The following STXBP6 variants were observed in gnomAD, a reference collection of about 807,000 sequenced individuals.
The protein encoded by STXBP6 is syntaxin binding protein 6.
Under a neutral mutation model 26.9 loss-of-function variants are expected in STXBP6, and 21 were observed. The observed-to-expected ratio is 0.78, with a 90% CI of 0.55 to 1.12. The LOEUF is 1.12. Among genes scored for constraint, STXBP6 ranks in the 50% most tolerant of loss-of-function variants. The probability of loss-of-function intolerance (pLI) is 0.00; values close to 1 mark genes in which losing one functional copy is unlikely to be tolerated. For synonymous variants in STXBP6, 97 were observed against 92.6 expected (o/e 1.05, Z -0.27); for missense variants, 232 against 257.9 (o/e 0.90, Z 0.69).
chr14:24,967,634 T>C (rs996987925), intron 2 of STXBP6, among the ~76,000 whole-genome samples: 1 of 152,242 alleles, frequency 6.6e-6, no homozygotes, highest in Non-Finnish European at 1.5e-5. Flanking sequence ...TGTTTTTTTA[T>C]TGCCTTGTCT....
At chr14:24,946,371 A>G (rs1307808098) in intron 2 of STXBP6, among the ~76,000 whole-genome samples, 2 of 152,202 alleles carry the variant, frequency 1.3e-5, no homozygotes, top group African/African-American at 4.8e-5. Flanking sequence ...AAGAGTGTCC[A>G]AATTTAAGAA....
At chr14:25,031,388 T>C (rs2075451532) in intron 1 of STXBP6, among the ~76,000 whole-genome samples, 1 of 152,196 alleles carries the variant, frequency 6.6e-6, no homozygotes, top group African/African-American at 2.4e-5. Context: ...TTTTCTCACC[T>C]GTAAAACAGA....
intron 2 of STXBP6, 58 bp downstream of exon 2, chr14:24,974,607 A>T: frequency 3.4e-6 from 5 of 1,453,318 alleles, no homozygotes; most frequent in Non-Finnish European, 4.6e-6. Flanking sequence ...GATACCTCAG[A>T]ATGAACTGTT....
chr14:25,028,901 A>G lies in STXBP6; in HGVS notation c.-33+20977T>C, dbSNP rs188130883. On this transcript the variant is annotated intron_variant, in intron 1 of 5. Transcript: ENST00000323944. ...GAAGGGTTCAAGACTTCAGTAGAGA[A>G]AGCAACTGCAGATGTGGTGGAAATG... is the stretch of plus-strand genomic sequence containing the variant. 1.3e-4 allele frequency among the ~76,000 whole-genome samples: 20 copies of G among 152,284 alleles called. No individual in the cohort carries two copies. The East Asian group carries it at 3.3e-3, about 25-fold the overall frequency.
In STXBP6 at chr14:25,036,321, G is replaced by A. The variant is rs2075551711; in HGVS notation, c.-33+13557C>T. ...GTGTCAGTGGAAGAGGGCTAGTGTG[G>A]TGGGGTCCATGATCCCAAAAGGGTG... On this transcript the variant is annotated intron_variant, in intron 1 of 5. Coordinates refer to ENST00000323944, the MANE Select transcript of STXBP6 (RefSeq NM_001394410.1). Among the ~76,000 whole-genome samples, 2 of 152,034 alleles carry A rather than the reference G, an allele frequency of 1.3e-5. 1 individual carries two copies. The highest frequency in any genetic ancestry group is 4.1e-4 in the South Asian group (2 of 4,820).
chr14:24,979,076 A>C (rs2074120636), intron 1 of STXBP6, among the ~76,000 whole-genome samples: 1 of 152,194 alleles, frequency 6.6e-6, no homozygotes, highest in Non-Finnish European at 1.5e-5. Flanking sequence ...ACAGCCCTTA[A>C]ATATTTTTCA....
intron 2 of STXBP6, among the ~76,000 whole-genome samples, chr14:24,951,008 T>C (rs2073151081): frequency 6.6e-6 from 1 of 152,278 alleles, no homozygotes; most frequent in East Asian, 1.9e-4. Context: ...TCTGTTCTTG[T>C]GTTAGCTTGC....
At chr14:24,859,975 TG>T (rs1352117268) in intron 2 of STXBP6, among the ~76,000 whole-genome samples, 1 of 152,216 alleles carries the variant, frequency 6.6e-6, no homozygotes, top group African/African-American at 2.4e-5. Context: ...ATGGTTTTCA[TG>T]GCTTCATGCC....
In STXBP6 at chr14:24,966,626, T is replaced by G. The variant is rs551730005; in HGVS notation, c.154+8039A>C. ...TTTGAACTTTCCTAATAGCAAGGTTTTAGGAAAGACAAATGTTATTATCAC... is the reference window on the plus strand; with the variant it reads ...TTTGAACTTTCCTAATAGCAAGGTTGTAGGAAAGACAAATGTTATTATCAC... On this transcript the variant is annotated intron_variant, in intron 2 of 5. Coordinates refer to ENST00000323944, the MANE Select transcript of STXBP6 (RefSeq NM_001394410.1). Among the ~76,000 whole-genome samples the G allele has an allele frequency of 3.9e-5, 6 of 152,342 alleles. No homozygotes were observed. In the East Asian group the frequency reaches 1.2e-3, roughly 29 times the overall value.
intron 2 of STXBP6, among the ~76,000 whole-genome samples, chr14:24,958,771 A>G (rs1566510509): frequency 6.6e-6 from 1 of 152,178 alleles, no homozygotes; most frequent in Non-Finnish European, 1.5e-5. Flanking sequence ...GAATGCAAAA[A>G]CCAACAGAAG....
intron 2 of STXBP6, among the ~76,000 whole-genome samples, chr14:24,896,965 A>G (rs897079291): frequency 9.8e-5 from 15 of 152,306 alleles, no homozygotes; most frequent in East Asian, 3.9e-4. Context: ...TGGGTGAGAC[A>G]TAAGACTAAA....
chr14:25,002,357 G>A (rs1443790459), intron 1 of STXBP6, among the ~76,000 whole-genome samples: 6 of 112,530 alleles, frequency 5.3e-5, no homozygotes, highest in Non-Finnish European at 9.0e-5. Flanking sequence ...AAATTCTTAT[G>A]ACTTTTTTTT....
chr14:25,025,529 CA>C (rs564730861), intron 1 of STXBP6, among the ~76,000 whole-genome samples: 100 of 152,280 alleles, frequency 6.6e-4, no homozygotes, highest in Middle Eastern at 3.4e-3. Context: ...AATGTTTTAA[CA>C]TCATGTCCAA....
chr14:25,039,952 G>A lies in STXBP6; in HGVS notation c.-33+9926C>T, dbSNP rs1422127769. On this transcript the variant is annotated intron_variant, in intron 1 of 5. Coordinates refer to ENST00000323944, the MANE Select transcript of STXBP6 (RefSeq NM_001394410.1). The stretch of plus-strand genomic sequence containing the variant: ...TTGAACAATTGCCCTCAAGTGATCC[G>A]CCTGCCTCGGCCTCCCAAAGTGCTA... 3.9e-5 allele frequency among the ~76,000 whole-genome samples: 6 copies of A among 152,058 alleles called. No individual in the cohort carries two copies. The East Asian group carries it at 9.7e-4, about 25-fold the overall frequency.
rs768793147 is a variant in STXBP6 at position 24,963,970 on chromosome 14, TAA to T, written c.154+10693_154+10694del. Among the ~76,000 whole-genome samples, 332 of 64,712 alleles carry T rather than the reference TAA, an allele frequency of 5.1e-3. 1 individual carries two copies. The highest frequency in any genetic ancestry group is 0.018 in the African/African-American group (297 of 16,940). 42.5% of individuals were successfully genotyped at this position (64,712 alleles called of 152,430 possible). On this transcript the variant is annotated intron_variant, in intron 2 of 5. Transcript: ENST00000323944. ...GTGTGTGTGAATAACAGCAAGTTTCTAAAAAAAAAAAAAAAAAAAAAAAAGCC... is the reference window on the plus strand; with the variant it reads ...GTGTGTGTGAATAACAGCAAGTTTCTAAAAAAAAAAAAAAAAAAAAAAGCC...
chr14:24,943,189 G>A (rs1382466678), intron 2 of STXBP6, among the ~76,000 whole-genome samples: 1 of 152,180 alleles, frequency 6.6e-6, no homozygotes, highest in African/African-American at 2.4e-5. Context: ...AACTACAGTG[G>A]CCAATGAAAC....
At chr14:24,884,094 G>C (rs571199419) in intron 2 of STXBP6, among the ~76,000 whole-genome samples, 1 of 151,796 alleles carries the variant, frequency 6.6e-6, no homozygotes, top group African/African-American at 2.4e-5. Context: ...AAAAAAAGGT[G>C]GGGGGGCACA....
chr14:25,015,798 A>AG (rs1364355981), intron 1 of STXBP6, among the ~76,000 whole-genome samples: 1 of 141,376 alleles, frequency 7.1e-6, no homozygotes, highest in African/African-American at 2.9e-5. Context: ...AACAACAACA[A>AG]GGAAAAAAAA....
intron 2 of STXBP6, among the ~76,000 whole-genome samples, chr14:24,946,253 C>T (rs922370608): frequency 9.2e-5 from 14 of 152,160 alleles, no homozygotes; most frequent in African/African-American, 3.4e-4. Flanking sequence ...CAGAACTACC[C>T]TACAAAGTAA....
Sources: allele counts gnomAD v4.1 joint callset (sites outside exome capture counted in the v4.1 genomes callset), GRCh38; gene constraint gnomAD v4.1.1; transcripts MANE v1.5; gene names NCBI Gene and HGNC (gene_info 2026-07-23, HGNC 2026-07-21).